PSMD2: variants seen among roughly 807,000 people sequenced by gnomAD.
PSMD2 encodes the protein proteasome 26S subunit ubiquitin receptor, non-ATPase 2.
PSMD2 carries 8 observed loss-of-function variants against 101.5 expected under a neutral mutation model. The ratio of observed to expected loss-of-function variants is 0.08; its 90% CI spans 0.05 to 0.14. PSMD2 has a LOEUF of 0.14. PSMD2 is among the 10% of genes least tolerant of loss of function. PSMD2 has a pLI of 1.00. For missense variants in PSMD2, 784 were observed against 1,147.4 expected (o/e 0.68, Z 4.58); for synonymous variants, 418 against 433.8 (o/e 0.96, Z 0.45).
In PSMD2 at chr3:184,303,313, G is replaced by C. The variant is rs201090560; in HGVS notation, c.1070-7G>C. 2 of 1,609,682 alleles carry C rather than the reference G, an allele frequency of 1.2e-6. No homozygotes were observed. Among genetic ancestry groups the C allele is most frequent in the East Asian group, 4.5e-5 (2 of 44,850 alleles). On this transcript the variant is annotated splice_polypyrimidine_tract_variant and splice_region_variant and intron_variant, in intron 8 of 20. Coordinates refer to ENST00000310118, the MANE Select transcript of PSMD2 (RefSeq NM_002808.5). ...TTTCCTTACTTTTCCTCTCCCTCCT[G>C]TTGCAGGGTTTGGGGGCAGTGGCTC...
At chr3:184,302,947 G>A in intron 7 of PSMD2, 55 bp from the exon 8 acceptor site, 8 of 1,610,900 alleles carry the variant, frequency 5.0e-6, no homozygotes, top group South Asian at 2.2e-5. Context: ...GATAGCAGAA[G>A]GGACAGCTGG....
Position 184,304,621 on chromosome 3 carries a change from C to T in PSMD2, c.1539+230C>T, listed in dbSNP as rs145048126. ...ACATTTTAGGCCTGGCACGGTGGCT[C>T]GTGCCTATAATCCCAGCACTTTGGG... On this transcript the variant is annotated intron_variant, in intron 12 of 20. Coordinates refer to ENST00000310118, the MANE Select transcript of PSMD2 (RefSeq NM_002808.5). The surrounding 1 kb of genome is among the most constrained non-coding windows in gnomAD (Gnocchi z 4.1). Among the ~76,000 whole-genome samples, 74 of 152,224 alleles carry T rather than the reference C, an allele frequency of 4.9e-4. No homozygotes were observed. Among genetic ancestry groups the T allele is most frequent in the African/African-American group, 1.7e-3 (69 of 41,518 alleles).
At position 184,304,504 on chromosome 3, in the gene PSMD2, A is replaced by C. The variant is rs1721763260; in HGVS notation, c.1539+113A>C. The C allele has an allele frequency of 9.2e-7, 1 of 1,087,612 alleles. No homozygotes were observed. Among genetic ancestry groups the C allele is most frequent in the African/African-American group, 1.5e-5 (1 of 64,828 alleles). 67.4% of individuals were successfully genotyped at this position (1,087,612 alleles called of 1,614,324 possible). ...TGTGTGCATGTGTGCATACATGTAC[A>C]TGCCTGTTGGTGTGTATTGAGGGGC... On this transcript the variant is annotated intron_variant, in intron 12 of 20. Transcript: ENST00000310118. The surrounding 1 kb of genome is among the most constrained non-coding windows in gnomAD (Gnocchi z 4.1).
At position 184,307,724 on chromosome 3, in the gene PSMD2, C is replaced by G; in HGVS notation, c.2298+16C>G. The G allele has an allele frequency of 6.2e-7, 1 of 1,612,370 alleles. No individual in the cohort carries two copies. Among genetic ancestry groups the G allele is most frequent in the South Asian group, 1.1e-5 (1 of 91,038 alleles). ...CTTGGCACAGGTAAAGAATAGAACT[C>G]CTCCACAGAGCGTGCCGGGGAAGTA... On this transcript the variant is annotated intron_variant, in intron 18 of 20. Coordinates refer to ENST00000310118, the MANE Select transcript of PSMD2 (RefSeq NM_002808.5).
intron 2 of PSMD2, 107 bp from the exon 3 acceptor site, chr3:184,300,173 A>C: frequency 4.1e-6 from 5 of 1,209,098 alleles, no homozygotes; most frequent in Non-Finnish European, 4.7e-6. Flanking sequence ...AGATGAATGA[A>C]TAAGACACAG....
chr3:184,305,807 G>T lies in PSMD2; in HGVS notation c.1579G>T (p.Val527Leu). The T allele has an allele frequency of 6.2e-7, 1 of 1,614,194 alleles. No homozygotes were observed. The highest frequency in any genetic ancestry group is 8.5e-7 in the Non-Finnish European group (1 of 1,180,040). Residue 527 changes from valine to leucine, a missense_variant, in exon 13 of 21, where the codon GTA becomes TTA. Val to Leu is a conservative substitution (Grantham distance 32). Around this residue, in one of 6 missense-constraint regions of PSMD2, gnomAD observed 282 missense variants for 437.6 expected, o/e 0.64. Transcript: ENST00000310118. ...AGCTTTAGCCTGTGGAATGATAGCA[G>T]TAGGGTCCTGCAATGGAGATGTAAC... ...VTALACGMIA[V>L]GSCNGDVTST...
At position 184,306,504 on chromosome 3, in the gene PSMD2, G is replaced by A. The variant is rs1721836708; in HGVS notation, c.1950+9G>A. On this transcript the variant is annotated intron_variant, in intron 15 of 20. Transcript: ENST00000310118. ...ACATGGGAGCACATCAGGTTATATGGGCAGCTGGGCACTTGCAGAGAGGCT... is the reference window on the plus strand; with the variant it reads ...ACATGGGAGCACATCAGGTTATATGAGCAGCTGGGCACTTGCAGAGAGGCT... 2.5e-6 allele frequency: 4 copies of A among 1,610,432 alleles called. No homozygotes were observed. Among genetic ancestry groups the A allele is most frequent in the Non-Finnish European group, 3.4e-6 (4 of 1,178,674 alleles).
In PSMD2 at chr3:184,304,315, C is replaced by G. The variant is rs1245174072; in HGVS notation, c.1463C>G (p.Ala488Gly). ...CATGGCTTTTGCAGGCTAGGCTTGGCTTATGCTGGCTCAAATCGTGAAGAT... is the reference window on the plus strand; with the variant it reads ...CATGGCTTTTGCAGGCTAGGCTTGGGTTATGCTGGCTCAAATCGTGAAGAT... ...RLGSIFGLGL[A>G]YAGSNREDVL... The change falls in exon 12 of 21, where the codon GCT (alanine) becomes GGT (glycine). Residue 488 changes from alanine to glycine, a missense_variant. By Grantham distance (60) the Ala-to-Gly change is moderately conservative. Around this residue, in one of 6 missense-constraint regions of PSMD2, gnomAD observed 282 missense variants for 437.6 expected, o/e 0.64. Coordinates refer to ENST00000310118, the MANE Select transcript of PSMD2 (RefSeq NM_002808.5). This position sits in a 1 kb window ranked among gnomAD's most constrained non-coding sequence, Gnocchi z 4.1. 6.2e-7 allele frequency: 1 copy of G among 1,614,168 alleles called. No individual in the cohort carries two copies.
intron 1 of PSMD2, 126 bp downstream of exon 1, chr3:184,299,527 G>A: frequency 1.6e-6 from 2 of 1,229,046 alleles, no homozygotes; most frequent in Non-Finnish European, 2.1e-6. Context: ...GGCGACCCTC[G>A]GGACTCCCGG....
chr3:184,304,146 T>A lies in PSMD2; in HGVS notation c.1451+72T>A, dbSNP rs78606408. Reference sequence around the variant, plus strand: ...CTGGAGAACAGGAACTGGGCCCTTTTCACCCATATTGCCAAGGGCTACCAC... The same window carrying A: ...CTGGAGAACAGGAACTGGGCCCTTTACACCCATATTGCCAAGGGCTACCAC... On this transcript the variant is annotated intron_variant, in intron 11 of 20. Transcript: ENST00000310118. This position sits in a 1 kb window ranked among gnomAD's most constrained non-coding sequence, Gnocchi z 4.1. 1,683 of 1,594,022 alleles carry A rather than the reference T, an allele frequency of 1.1e-3. 1 individual carries two copies. Among genetic ancestry groups the A allele is most frequent in the Non-Finnish European group, 1.3e-3 (1,566 of 1,162,644 alleles).
Position 184,308,015 on chromosome 3 carries a change from C to T in PSMD2, c.2424C>T (p.Asn808=). 1 of 1,613,954 alleles carries T rather than the reference C, an allele frequency of 6.2e-7. No homozygotes were observed. Among genetic ancestry groups the T allele is most frequent in the Admixed American group, 1.7e-5 (1 of 60,012 alleles). The change falls in exon 19 of 21, where the codon AAC becomes AAT. Residue 808 remains asparagine (N), a splice_region_variant and synonymous_variant. Transcript: ENST00000310118. This position sits in a 1 kb window ranked among gnomAD's most constrained non-coding sequence, Gnocchi z 6.0. ...TVLVSFLDVR[N]IILGKSHYVL... is the part of the protein sequence containing the mutation. Reference sequence around the variant, plus strand: ...TTGTCTCTTTCCTGGATGTTCGAAACAGTGAGTTCCTGTCAGAAATTTTAT... The same window carrying T: ...TTGTCTCTTTCCTGGATGTTCGAAATAGTGAGTTCCTGTCAGAAATTTTAT...
At chr3:184,307,588 A>C (rs780650159) in intron 17 of PSMD2, 26 bp from the exon 18 acceptor site, 4 of 1,613,874 alleles carry the variant, frequency 2.5e-6, no homozygotes, top group Non-Finnish European at 3.4e-6. Context: ...CCCTTTTTTC[A>C]CTTCTGTAAT....
In PSMD2 at chr3:184,308,515, T is replaced by C; in HGVS notation, c.2492T>C (p.Val831Ala). ...GCTGCCATGCAGCCCCGAATGCTGG[T>C]TACGTTTGATGAGGAGCTGCGGCCA... ...LVAAMQPRML[V>A]TFDEELRPLP... is the part of the protein sequence containing the mutation. The change falls in exon 20 of 21, where the codon GTT becomes GCT. Residue 831 changes from valine to alanine, a missense_variant. Physicochemically the swap from Val to Ala is moderately conservative, Grantham distance 64. Transcript: ENST00000310118. This position sits in a 1 kb window ranked among gnomAD's most constrained non-coding sequence, Gnocchi z 6.0. The C allele has an allele frequency of 6.2e-7, 1 of 1,613,398 alleles. No homozygotes were observed. The highest frequency in any genetic ancestry group is 8.5e-7 in the Non-Finnish European group (1 of 1,180,008).
chr3:184,306,352 T>A lies in PSMD2; in HGVS notation c.1807T>A (p.Ser603Thr). 1 of 1,613,798 alleles carries A rather than the reference T, an allele frequency of 6.2e-7. No individual in the cohort carries two copies. The highest frequency in any genetic ancestry group is 8.5e-7 in the Non-Finnish European group (1 of 1,179,894). ...TCTCCCTCACCACCCTGACGCAGGC[T>A]CTGGGAATGTGCTGAAGGTGCAGCA... ...TLVDVCAYAG[S>T]GNVLKVQQLL... The change falls in exon 15 of 21, where the codon TCT becomes ACT. Residue 603 changes from serine to threonine, a missense_variant and splice_region_variant. Around this residue, in one of 6 missense-constraint regions of PSMD2, gnomAD observed 282 missense variants for 437.6 expected, o/e 0.64. Transcript: ENST00000310118.
intron 10 of PSMD2, 69 bp downstream of exon 10, chr3:184,303,818 C>G (rs1721732650): frequency 1.9e-5 from 30 of 1,601,468 alleles, no homozygotes; most frequent in Admixed American, 5.0e-5. Context: ...CAGTGCCTCT[C>G]TTTCACTGAT....
At chr3:184,303,201 G>T in intron 8 of PSMD2, 119 bp from the exon 9 acceptor site, 1 of 1,496,804 alleles carries the variant, frequency 6.7e-7, no homozygotes, top group Non-Finnish European at 9.2e-7. Flanking sequence ...GCTTGGGGGG[G>T]TATAGGTAGA....
intron 3 of PSMD2, among the ~76,000 whole-genome samples, chr3:184,300,959 C>T (rs1329022484): frequency 6.6e-6 from 1 of 152,074 alleles, no homozygotes; most frequent in African/African-American, 2.4e-5. Context: ...TTTATAATTG[C>T]AATTAAAGTA....
Position 184,301,959 on chromosome 3 carries a change from C to T in PSMD2, c.592C>T (p.His198Tyr). Reference sequence around the variant, plus strand: ...GGAAATCGTCCCCTATAACATGGCCCACAATGCAGAGCATGAGGCTTGCGA... The same window carrying T: ...GGAAATCGTCCCCTATAACATGGCCTACAATGCAGAGCATGAGGCTTGCGA... ...VKEIVPYNMA[H>Y]NAEHEACDLL... The change falls in exon 5 of 21, where the codon CAC (histidine) becomes TAC (tyrosine). Residue 198 changes from histidine (H) to tyrosine (Y), a missense_variant. Physicochemically the swap from His to Tyr is moderately conservative, Grantham distance 83 (BLOSUM62 2). This residue lies in a region of PSMD2 where 208 missense variants were observed against 301.6 expected (regional missense o/e 0.69). Coordinates refer to ENST00000310118, the MANE Select transcript of PSMD2 (RefSeq NM_002808.5). The T allele has an allele frequency of 6.2e-7, 1 of 1,614,226 alleles. No homozygotes were observed. Among genetic ancestry groups the T allele is most frequent in the East Asian group, 2.2e-5 (1 of 44,880 alleles).
intron 3 of PSMD2, among the ~76,000 whole-genome samples, chr3:184,301,157 C>T (rs1402587767): frequency 6.6e-6 from 1 of 150,754 alleles, no homozygotes; most frequent in Admixed American, 6.6e-5. Context: ...GGTGAAACCC[C>T]GTCTCTACTA....
Sources: gnomAD v4.1 joint callset for allele counts (sites outside exome capture counted in the v4.1 genomes callset) on GRCh38, gnomAD v4.1.1 for gene constraint, gnomAD v4.1.1 regional missense constraint, Gnocchi (gnomAD v3.1) non-coding constraint, MANE v1.5 for transcripts, NCBI Gene and HGNC (gene_info 2026-07-23, HGNC 2026-07-21) for gene names.